HBS1L: variants seen among roughly 807,000 people sequenced by gnomAD.
HBS1L encodes HBS1-like protein.
A neutral mutation model predicts 88.9 loss-of-function variants in HBS1L; 55 were observed. The observed-to-expected ratio is 0.62, with a 90% CI of 0.50 to 0.77. HBS1L has a LOEUF of 0.77. Ranked by LOEUF, HBS1L falls within the 30% of genes least tolerant of loss-of-function variation. The pLI is 0.00. For synonymous variants in HBS1L, 267 were observed against 288.5 expected, an observed-to-expected ratio of 0.93 and a Z score of 0.76; for missense variants, 741 against 829.3, an observed-to-expected ratio of 0.89 and a Z score of 1.31.
chr6:135,034,540 G>A (rs1045900464), intron 4 of HBS1L, among the ~76,000 whole-genome samples: 7 of 152,114 alleles, frequency 4.6e-5, no homozygotes, highest in Non-Finnish European at 1.0e-4. Flanking sequence ...GCTACTCGGG[G>A]GGCTGACACA....
intron 15 of HBS1L, among the ~76,000 whole-genome samples, chr6:134,972,992 T>C (rs984765428): frequency 6.6e-6 from 1 of 152,214 alleles, no homozygotes; most frequent in African/African-American, 2.4e-5. Flanking sequence ...GCACTGCTGG[T>C]GGGAATGTAA....
intron 4 of HBS1L, among the ~76,000 whole-genome samples, chr6:135,009,209 C>A (rs541074638): frequency 6.6e-6 from 1 of 152,124 alleles, no homozygotes; most frequent in African/African-American, 2.4e-5. Flanking sequence ...AGAGGCCATA[C>A]AACTGTGGCC....
chr6:134,983,260 C>T (rs1774884541), intron 12 of HBS1L: 1 of 152,036 alleles, frequency 6.6e-6, no homozygotes, highest in Admixed American at 6.6e-5. Context: ...ATAAATCACG[C>T]TTAGGGTTTA....
chr6:135,017,078 G>A lies in HBS1L; in HGVS notation c.431-14236C>T, dbSNP rs180941569. Among the ~76,000 whole-genome samples the A allele has an allele frequency of 2.0e-5, 3 of 152,222 alleles. No individual in the cohort carries two copies. In the East Asian group the frequency reaches 5.8e-4, roughly 29 times the overall value. On this transcript the variant is annotated intron_variant, in intron 4 of 17. Coordinates refer to ENST00000367837, the MANE Select transcript of HBS1L (RefSeq NM_006620.4). ...TAAATTAAACAATTTGTTCACACCCGTTTAACATTATTTGCAAATTAATAA... is the reference window on the plus strand; with the variant it reads ...TAAATTAAACAATTTGTTCACACCCATTTAACATTATTTGCAAATTAATAA...
intron 7 of HBS1L, among the ~76,000 whole-genome samples, chr6:134,995,872 T>C (rs1253311255): frequency 3.3e-5 from 5 of 152,060 alleles, no homozygotes. Context: ...TTCTGGTTTA[T>C]CAGAAGAGCT....
At chr6:135,048,355 TGGAATCCCCTCTTTAAAAGGC>T (rs1424394540) in intron 2 of HBS1L, among the ~76,000 whole-genome samples, 11 of 152,206 alleles carry the variant, frequency 7.2e-5, no homozygotes, top group African/African-American at 1.7e-4. Flanking sequence ...GCCAGTAGGT[TGGAATCCCCTCTTTAAAAGGC>T]GGAATCCCCT....
intron 8 of HBS1L, 132 bp downstream of exon 8, chr6:134,993,626 A>G: frequency 2.3e-6 from 1 of 426,464 alleles, no homozygotes; most frequent in African/African-American, 2.0e-5. Flanking sequence ...CTTTTTGTTC[A>G]AGCTTTATAA....
At chr6:135,006,880 G>A (rs186717171) in intron 4 of HBS1L, among the ~76,000 whole-genome samples, 14 of 152,106 alleles carry the variant, frequency 9.2e-5, no homozygotes, top group Middle Eastern at 3.4e-3. Flanking sequence ...AAAGTGGCAT[G>A]GGGGATTCTG....
intron 17 of HBS1L, among the ~76,000 whole-genome samples, chr6:134,965,760 C>T (rs36052809): frequency 6.6e-6 from 1 of 152,252 alleles, no homozygotes; most frequent in African/African-American, 2.4e-5. Context: ...AAGCTGTTTT[C>T]TTCACCTCCA....
At chr6:135,001,042 A>G (rs1474128201) in intron 5 of HBS1L, among the ~76,000 whole-genome samples, 4 of 152,102 alleles carry the variant, frequency 2.6e-5, no homozygotes, top group Non-Finnish European at 5.9e-5. Flanking sequence ...CAGACCTTTC[A>G]CATTCTAATG....
intron 9 of HBS1L, 74 bp downstream of exon 9, chr6:134,987,571 T>C: frequency 8.7e-7 from 1 of 1,152,080 alleles, no homozygotes; most frequent in Non-Finnish European, 1.2e-6. Context: ...ACTAGTCACA[T>C]CTAAGTCATC....
At chr6:135,020,672 A>C (rs148291633) in intron 4 of HBS1L, among the ~76,000 whole-genome samples, 1 of 152,152 alleles carries the variant, frequency 6.6e-6, no homozygotes, top group Non-Finnish European at 1.5e-5. Flanking sequence ...AAGTGTGCTA[A>C]AAGTACTATA....
intron 13 of HBS1L, among the ~76,000 whole-genome samples, chr6:134,980,262 G>A (rs1343445021): frequency 6.6e-6 from 1 of 151,888 alleles, no homozygotes; most frequent in African/African-American, 2.4e-5. Context: ...GGGAGCTCAA[G>A]GATTTAACTT....
chr6:135,003,174 T>C (rs1775513535), intron 4 of HBS1L, among the ~76,000 whole-genome samples: 2 of 152,164 alleles, frequency 1.3e-5, no homozygotes, highest in African/African-American at 4.8e-5. Context: ...CTAGACCCTA[T>C]ACCTCCCTTT....
chr6:134,978,385 AC>A (rs1774713179), intron 15 of HBS1L, among the ~76,000 whole-genome samples: 1 of 151,990 alleles, frequency 6.6e-6, no homozygotes, highest in African/African-American at 2.4e-5. Context: ...ACTTTAGAAC[AC>A]AGTGAAAATG....
chr6:134,986,716 T>C lies in HBS1L; in HGVS notation c.1305+20A>G. 1 of 1,439,400 alleles carries C rather than the reference T, an allele frequency of 6.9e-7. No homozygotes were observed. 89.2% of individuals were successfully genotyped at this position (1,439,400 alleles called of 1,614,324 possible). On this transcript the variant is annotated intron_variant, in intron 10 of 17. Coordinates refer to ENST00000367837, the MANE Select transcript of HBS1L (RefSeq NM_006620.4). ...ATGACTTAAGGAAAGTAATAACAAA[T>C]AAATCTAAAATGATCTTACCTTAAA...
chr6:134,967,970 C>G (rs1463181389), intron 16 of HBS1L, among the ~76,000 whole-genome samples: 1 of 152,156 alleles, frequency 6.6e-6, no homozygotes, highest in Non-Finnish European at 1.5e-5. Flanking sequence ...ATATAAAGAT[C>G]TACCTTTAGG....
chr6:135,052,532 A>C (rs532122961), intron 1 of HBS1L, among the ~76,000 whole-genome samples: 11 of 151,090 alleles, frequency 7.3e-5, no homozygotes, highest in African/African-American at 2.2e-4. Context: ...TGATCATGCC[A>C]CTGCACTCGC....
chr6:134,979,325 C>T (rs753759562), intron 13 of HBS1L, 57 bp from the exon 14 acceptor site: 9 of 1,286,890 alleles, frequency 7.0e-6, no homozygotes, highest in Middle Eastern at 1.8e-4. Context: ...CAAACCATAA[C>T]AACCAACAGA....
Sources: allele counts gnomAD v4.1 joint callset (sites outside exome capture counted in the v4.1 genomes callset), GRCh38; gene constraint gnomAD v4.1.1; transcripts MANE v1.5; gene names NCBI Gene and HGNC (gene_info 2026-07-23, HGNC 2026-07-21).